Variants in FARP2 observed in about 807,000 individuals in gnomAD.
FARP2 encodes FERM, ARHGEF and pleckstrin domain-containing protein 2.
A neutral mutation model predicts 130.5 loss-of-function variants in FARP2; 111 were observed. The ratio of observed to expected loss-of-function variants is 0.85; its 90% CI spans 0.73 to 1.00. FARP2 has a LOEUF of 1.00. Among genes scored for constraint, FARP2 ranks in the 50% least tolerant of loss-of-function variants. FARP2 has a pLI of 0.00. For missense variants in FARP2, 1,385 were observed against 1,346.3 expected (o/e 1.03, Z -0.45); for synonymous variants, 504 against 516.9 (o/e 0.98, Z 0.34).
At chr2:241,478,656 T>C in intron 19 of FARP2, 1 of 494,138 alleles carries the variant, frequency 2.0e-6, no homozygotes, top group Non-Finnish European at 4.1e-6. Context: ...GAAGGAGTGT[T>C]GGAAAAAGCA....
intron 19 of FARP2, chr2:241,478,665 C>T (rs896243523): frequency 8.2e-6 from 4 of 485,638 alleles, no homozygotes; most frequent in Non-Finnish European, 1.7e-5. Flanking sequence ...TTGGAAAAAG[C>T]AGAATTTTAC....
chr2:241,470,228 C>T (rs1224722708), intron 18 of FARP2, among the ~76,000 whole-genome samples: 2 of 152,212 alleles, frequency 1.3e-5, no homozygotes, highest in South Asian at 4.1e-4. Context: ...GCCAGCCTTG[C>T]AATTTTATTT....
intron 1 of FARP2, among the ~76,000 whole-genome samples, chr2:241,361,637 A>T (rs1388176028): frequency 6.6e-6 from 1 of 152,098 alleles, no homozygotes; most frequent in Non-Finnish European, 1.5e-5. Flanking sequence ...CCTTGGAAGG[A>T]GTTGGTGCAA....
chr2:241,447,795 A>G (rs1252357939), intron 13 of FARP2, among the ~76,000 whole-genome samples: 1 of 152,156 alleles, frequency 6.6e-6, no homozygotes, highest in Non-Finnish European at 1.5e-5. Context: ...GGGTGGGGGC[A>G]GGGCTTTGGA....
At chr2:241,439,010 C>A (rs972323886) in intron 12 of FARP2, among the ~76,000 whole-genome samples, 2 of 151,906 alleles carry the variant, frequency 1.3e-5, no homozygotes, top group African/African-American at 4.8e-5. Context: ...TTAATTGTTC[C>A]TTTACACAGT....
At chr2:241,382,903 C>G (rs11897234) in intron 2 of FARP2, among the ~76,000 whole-genome samples, 2 of 151,976 alleles carry the variant, frequency 1.3e-5, no homozygotes, top group Non-Finnish European at 2.9e-5. Context: ...TGTTTTTGGT[C>G]TACATCATAT....
At chr2:241,421,643 A>G (rs2062810701) in intron 8 of FARP2, among the ~76,000 whole-genome samples, 1 of 152,120 alleles carries the variant, frequency 6.6e-6, no homozygotes, top group Admixed American at 6.6e-5. Context: ...TGGGCCCCTG[A>G]CCCTGTTCCT....
chr2:241,484,199 C>CTTG (rs918561173), intron 20 of FARP2, 43 bp from the exon 21 acceptor site: 2 of 1,612,814 alleles, frequency 1.2e-6, no homozygotes, highest in African/African-American at 2.7e-5. Context: ...TATTAAGACA[C>CTTG]TTGTTTGTGA....
At chr2:241,426,469 G>A (rs1275914525) in intron 8 of FARP2, among the ~76,000 whole-genome samples, 1 of 152,214 alleles carries the variant, frequency 6.6e-6, no homozygotes. Context: ...GGGAGGGGTA[G>A]GTGTGAGGTA....
chr2:241,489,244 C>T (rs768086937), intron 21 of FARP2: 1 of 152,238 alleles, frequency 6.6e-6, no homozygotes, highest in Non-Finnish European at 1.5e-5. Flanking sequence ...AGAACTGGCC[C>T]TCGTTCCTGA....
At chr2:241,428,295 C>T (rs1052062752) in intron 8 of FARP2, among the ~76,000 whole-genome samples, 16 of 140,400 alleles carry the variant, frequency 1.1e-4, no homozygotes, top group Admixed American at 1.6e-4. Context: ...AGTACAGTGG[C>T]GCAGTCTCTG....
chr2:241,432,266 G>C (rs1479805583), intron 9 of FARP2: 1 of 152,572 alleles, frequency 6.6e-6, no homozygotes, highest in East Asian at 1.9e-4. Flanking sequence ...TGGAGGGGCT[G>C]AGGGCAGTCT....
At chr2:241,362,495 G>A (rs1040929663) in intron 1 of FARP2, among the ~76,000 whole-genome samples, 6 of 151,990 alleles carry the variant, frequency 3.9e-5, no homozygotes, top group Admixed American at 1.3e-4. Context: ...CCAACTACTC[G>A]GGAGGCTGAG....
chr2:241,491,839 G>A lies in FARP2; in HGVS notation c.2787+160G>A, dbSNP rs570161025. Among the ~76,000 whole-genome samples, 4 of 152,308 alleles carry A rather than the reference G, an allele frequency of 2.6e-5. No homozygotes were observed. In the South Asian group the frequency reaches 8.3e-4, roughly 32 times the overall value. On this transcript the variant is annotated intron_variant, in intron 24 of 26. Transcript: ENST00000264042. ...CTTGGTAGAAGTTGGTATGGAAAGT[G>A]CCCCTCATCCAGTCAAGCCCTCTTT... is the stretch of plus-strand genomic sequence containing the variant.
At chr2:241,451,684 C>A (rs538942522) in intron 13 of FARP2, among the ~76,000 whole-genome samples, 1 of 152,240 alleles carries the variant, frequency 6.6e-6, no homozygotes, top group South Asian at 2.1e-4. Context: ...AATTATTTAC[C>A]ATGTCAAGTA....
intron 13 of FARP2, among the ~76,000 whole-genome samples, chr2:241,449,694 G>A (rs535189065): frequency 2.8e-4 from 42 of 151,920 alleles, no homozygotes; most frequent in African/African-American, 8.4e-4. Flanking sequence ...TAAAGAGACT[G>A]CCACAAAGAA....
chr2:241,406,727 G>C (rs1475837581), intron 4 of FARP2, among the ~76,000 whole-genome samples: 1 of 152,104 alleles, frequency 6.6e-6, no homozygotes, highest in African/African-American at 2.4e-5. Flanking sequence ...GCCTCCCAAA[G>C]TGCTGGGATT....
intron 16 of FARP2, 78 bp from the exon 17 acceptor site, chr2:241,463,821 C>A: frequency 8.0e-7 from 1 of 1,257,198 alleles, no homozygotes; most frequent in Non-Finnish European, 1.1e-6. Flanking sequence ...ACCAAGGCAG[C>A]TGTCACCCTG....
chr2:241,463,061 A>G (rs2064068136), intron 15 of FARP2, among the ~76,000 whole-genome samples: 1 of 152,224 alleles, frequency 6.6e-6, no homozygotes, highest in Non-Finnish European at 1.5e-5. Context: ...TTTTAAAACT[A>G]TTCTAAGTCA....
Sources: allele counts gnomAD v4.1 joint callset (sites outside exome capture counted in the v4.1 genomes callset), GRCh38; gene constraint gnomAD v4.1.1; transcripts MANE v1.5; gene names NCBI Gene and HGNC (gene_info 2026-07-23, HGNC 2026-07-21).